MGAT4C: variants seen among roughly 807,000 people sequenced by gnomAD.
MGAT4C encodes the protein MGAT4 family member C, also known as alpha-1,3-mannosyl-glycoprotein 4-beta-N-acetylglucosaminyltransferase C.
A neutral mutation model predicts 40.1 loss-of-function variants in MGAT4C; 19 were observed. The ratio of observed to expected loss-of-function variants is 0.47; its 90% CI spans 0.33 to 0.70. The LOEUF (loss-of-function observed/expected upper bound fraction) is 0.70, where lower values mean the gene tolerates loss of function less well. Ranked by LOEUF, MGAT4C falls within the 30% of genes least tolerant of loss-of-function variation. MGAT4C has a pLI of 0.02. For synonymous variants in MGAT4C, 181 were observed against 187.1 expected, an observed-to-expected ratio of 0.97 and a Z score of 0.27; for missense variants, 491 against 563.2, an observed-to-expected ratio of 0.87 and a Z score of 1.30.
intron 2 of MGAT4C, among the ~76,000 whole-genome samples, chr12:86,522,055 T>A (rs1342942270): frequency 6.6e-6 from 1 of 152,092 alleles, no homozygotes; most frequent in Non-Finnish European, 1.5e-5. Flanking sequence ...CAAACCGGGA[T>A]AGTTTCACTT....
rs551512963 is a variant in MGAT4C, at chr12:86,220,032, C to G, written c.-57+36207G>C. On this transcript the variant is annotated intron_variant, in intron 1 of 4. Transcript: ENST00000611864. ...GAATTAGCACCAGAGAAAGACTGCC[C>G]TATAATTTAATTAAAAGGGACTGTA... 9.9e-4 allele frequency among the ~76,000 whole-genome samples: 151 copies of G among 152,134 alleles called. 1 individual carries two copies. Among genetic ancestry groups the G allele is most frequent in the African/African-American group, 3.6e-3 (148 of 41,506 alleles).
At chr12:86,517,549 T>G (rs979174828) in intron 2 of MGAT4C, among the ~76,000 whole-genome samples, 4 of 152,220 alleles carry the variant, frequency 2.6e-5, no homozygotes, top group African/African-American at 9.6e-5. Flanking sequence ...ATGAGGCTCC[T>G]GGGAAAACCA....
chr12:86,821,904 C>G (rs1276883453), intron 1 of MGAT4C, among the ~76,000 whole-genome samples: 1 of 150,886 alleles, frequency 6.6e-6, no homozygotes, highest in Non-Finnish European at 1.5e-5. Context: ...ATTGCTTACT[C>G]ACTACAGCTA....
intron 2 of MGAT4C, among the ~76,000 whole-genome samples, chr12:86,501,518 T>G: frequency 8.2e-6 from 1 of 122,144 alleles, no homozygotes; most frequent in African/African-American, 3.1e-5. Context: ...GGCCCCAGTG[T>G]GTGTTCTTCC....
intron 1 of MGAT4C, among the ~76,000 whole-genome samples, chr12:86,223,267 C>T (rs1192816708): frequency 1.3e-5 from 2 of 152,322 alleles, no homozygotes; most frequent in Middle Eastern, 3.4e-3. Context: ...GGTGCTGCTC[C>T]AGCTGAAAGG....
intron 1 of MGAT4C, among the ~76,000 whole-genome samples, chr12:86,093,921 A>G (rs997651345): frequency 2.0e-5 from 3 of 152,222 alleles, no homozygotes; most frequent in Non-Finnish European, 1.5e-5. Flanking sequence ...TCAATATGCT[A>G]TAAATTTTAC....
chr12:86,714,644 C>A (rs957639669), intron 2 of MGAT4C, among the ~76,000 whole-genome samples: 2 of 152,052 alleles, frequency 1.3e-5, no homozygotes, highest in East Asian at 3.9e-4. Context: ...GAGGCCTTCC[C>A]AGCCATGCAG....
rs369752965 is a variant in MGAT4C at position 86,023,508 on chromosome 12, G to C, written c.-7+26166C>G. 4.6e-5 allele frequency among the ~76,000 whole-genome samples: 7 copies of C among 150,622 alleles called. No homozygotes were observed. The South Asian group carries it at 1.2e-3, about 27-fold the overall frequency. On this transcript the variant is annotated intron_variant, in intron 2 of 4. Coordinates refer to ENST00000611864, the MANE Select transcript of MGAT4C (RefSeq NM_001351288.2). ...GTGGTGAAGCTAGATTTTATATTAAGTACTATTTAAGACTTTATATTAAGC... is the reference window on the plus strand; with the variant it reads ...GTGGTGAAGCTAGATTTTATATTAACTACTATTTAAGACTTTATATTAAGC...
In MGAT4C at chr12:86,490,031, T is replaced by C. The variant is rs374445050; in HGVS notation, c.-228-54766A>G. Among the ~76,000 whole-genome samples the C allele has an allele frequency of 9.9e-5, 15 of 152,180 alleles. No homozygotes were observed. In the East Asian group the frequency reaches 2.7e-3, roughly 28 times the overall value. On this transcript the variant is annotated intron_variant, in intron 2 of 7. Transcript: ENST00000548651. Reference sequence around the variant, plus strand: ...ATCATCCAGGAGAACTTCCCCAATCTAGCAAGGCAGGCCAACACTCAGATT... The same window carrying C: ...ATCATCCAGGAGAACTTCCCCAATCCAGCAAGGCAGGCCAACACTCAGATT...
At chr12:86,401,474 A>C (rs1956362443) in intron 3 of MGAT4C, among the ~76,000 whole-genome samples, 1 of 152,146 alleles carries the variant, frequency 6.6e-6, no homozygotes, top group Admixed American at 6.5e-5. Flanking sequence ...GCTTGAAAGA[A>C]AGTCAGGTAA....
chr12:86,227,528 A>G (rs763407133), intron 1 of MGAT4C, among the ~76,000 whole-genome samples: 16 of 151,950 alleles, frequency 1.1e-4, no homozygotes, highest in Non-Finnish European at 1.9e-4. Context: ...CCACCCTGTT[A>G]GAGATATCTT....
intron 2 of MGAT4C, among the ~76,000 whole-genome samples, chr12:86,572,681 C>G (rs901721921): frequency 1.3e-5 from 2 of 152,042 alleles, no homozygotes; most frequent in East Asian, 3.9e-4. Context: ...CTTTTTCTAA[C>G]TGGTCTGCCT....
chr12:86,121,060 T>C (rs1879299880), intron 1 of MGAT4C, among the ~76,000 whole-genome samples: 1 of 152,174 alleles, frequency 6.6e-6, no homozygotes. Context: ...AATGACCTGA[T>C]GGACCTGAAA....
At chr12:85,987,310 T>C (rs891101819) in intron 3 of MGAT4C, among the ~76,000 whole-genome samples, 20 of 151,246 alleles carry the variant, frequency 1.3e-4, no homozygotes, top group African/African-American at 4.1e-4. Flanking sequence ...CTAATTTTTT[T>C]GTATTTTTAG....
intron 1 of MGAT4C, among the ~76,000 whole-genome samples, chr12:86,771,004 G>T (rs1216939868): frequency 1.3e-5 from 2 of 152,090 alleles, no homozygotes; most frequent in Non-Finnish European, 2.9e-5. Flanking sequence ...AGATCATTAA[G>T]TTAAAATGAG....
Position 85,975,919 on chromosome 12 carries a change from T to G in MGAT4C, c.*3370A>C, listed in dbSNP as rs1293610320. On this transcript the variant is annotated 3_prime_UTR_variant, in exon 5 of 5. Coordinates refer to ENST00000611864, the MANE Select transcript of MGAT4C (RefSeq NM_001351288.2). The stretch of plus-strand genomic sequence containing the variant: ...AGAATTACACACTGTTTCCTTCAAT[T>G]GTTAGATGGCACTGGATGTAGTGTT... 1 of 151,000 alleles carries G rather than the reference T, an allele frequency of 6.6e-6. No individual in the cohort carries two copies. Among genetic ancestry groups the G allele is most frequent in the Non-Finnish European group, 1.5e-5 (1 of 67,168 alleles). The allele number at this position is 151,000 out of a possible 1,614,324, so 9.4% of individuals were successfully genotyped here. A position where few individuals can be genotyped will look rare whatever the true frequency, so the allele number is the denominator to read the frequency against.
chr12:86,331,652 C>T (rs1954671546), intron 4 of MGAT4C, among the ~76,000 whole-genome samples: 2 of 152,122 alleles, frequency 1.3e-5, no homozygotes, highest in Non-Finnish European at 2.9e-5. Context: ...TTAACAACTG[C>T]CTGATCATAA....
Position 86,529,133 on chromosome 12 carries a change from G to A in MGAT4C, c.-228-93868C>T, listed in dbSNP as rs1032877588. Among the ~76,000 whole-genome samples, 4 of 152,166 alleles carry A rather than the reference G, an allele frequency of 2.6e-5. No individual in the cohort carries two copies. The South Asian group carries it at 6.2e-4, about 24-fold the overall frequency. Reference sequence around the variant, plus strand: ...TCTTTGGTATTCTAGCCTTGGTCATGATCCAAAGGGGCAAGTGCATTAACT... The same window carrying A: ...TCTTTGGTATTCTAGCCTTGGTCATAATCCAAAGGGGCAAGTGCATTAACT... On this transcript the variant is annotated intron_variant, in intron 2 of 7. Coordinates refer to the MGAT4C transcript ENST00000548651.
chr12:86,286,207 C>T (rs921947301), intron 4 of MGAT4C, among the ~76,000 whole-genome samples: 4 of 152,004 alleles, frequency 2.6e-5, no homozygotes, highest in South Asian at 2.1e-4. Context: ...CAGGATGTGA[C>T]GTTTTATACA....
Sources: allele counts gnomAD v4.1 joint callset (sites outside exome capture counted in the v4.1 genomes callset), GRCh38; gene constraint gnomAD v4.1.1; transcripts MANE v1.5; gene names NCBI Gene and HGNC (gene_info 2026-07-23, HGNC 2026-07-21).